The following ARHGAP35 variants were observed in gnomAD, a reference collection of about 807,000 sequenced individuals.
ARHGAP35 encodes the protein rho GTPase-activating protein 35.
A neutral mutation model predicts 111.1 loss-of-function variants in ARHGAP35; 15 were observed. The observed-to-expected ratio is 0.13, with a 90% CI of 0.09 to 0.21. The LOEUF is 0.21. Ranked by LOEUF, ARHGAP35 falls within the 10% of genes least tolerant of loss-of-function variation. ARHGAP35 has a pLI of 1.00. For missense variants in ARHGAP35, 1,262 were observed against 1,873.0 expected, an observed-to-expected ratio of 0.67 and a Z score of 6.02; for synonymous variants, 643 against 710.3, an observed-to-expected ratio of 0.91 and a Z score of 1.51.
At chr19:46,954,926 G>A (rs2056430979) in intron 3 of ARHGAP35, among the ~76,000 whole-genome samples, 2 of 152,058 alleles carry the variant, frequency 1.3e-5, no homozygotes, top group African/African-American at 4.8e-5. Context: ...TCAATAATGA[G>A]GTGTTTCACT....
chr19:46,986,083 T>C lies in ARHGAP35; in HGVS notation c.3827-1906T>C, dbSNP rs1047752446. 2.6e-5 allele frequency among the ~76,000 whole-genome samples: 4 copies of C among 152,232 alleles called. No individual in the cohort carries two copies. The highest frequency in any genetic ancestry group is 7.2e-5 in the African/African-American group (3 of 41,464). ...CCCACAGTGCTTCCTCTGTGCACCT[T>C]CAGCAAGACAGAGTCGCTCAAAGCC... On this transcript the variant is annotated intron_variant, in intron 3 of 6. Transcript: ENST00000672722. The surrounding 1 kb of genome is among the most constrained non-coding windows in gnomAD (Gnocchi z 4.3).
intron 1 of ARHGAP35, among the ~76,000 whole-genome samples, chr19:46,887,449 G>A (rs1291788033): frequency 6.6e-6 from 1 of 152,152 alleles, no homozygotes; most frequent in Admixed American, 6.6e-5. Flanking sequence ...GGGAAGCTGG[G>A]TGAAGGGTAT....
intron 3 of ARHGAP35, among the ~76,000 whole-genome samples, chr19:46,972,438 A>C (rs143634250): frequency 3.6e-4 from 55 of 152,364 alleles, no homozygotes; most frequent in African/African-American, 1.3e-3. Flanking sequence ...CTGATTTCCT[A>C]CAGCTGCTGG....
intron 1 of ARHGAP35, among the ~76,000 whole-genome samples, chr19:46,905,986 ATT>A (rs375012473): frequency 5.2e-4 from 73 of 141,392 alleles, no homozygotes; most frequent in Admixed American, 5.6e-4. Flanking sequence ...GCCTGGCCAC[ATT>A]TTTTTTTTTT....
At chr19:46,984,785 G>A (rs1457725688) in intron 3 of ARHGAP35, among the ~76,000 whole-genome samples, 1 of 152,206 alleles carries the variant, frequency 6.6e-6, no homozygotes, top group Non-Finnish European at 1.5e-5. Flanking sequence ...TGAAGTTTCA[G>A]CAGGTCCACA....
intron 3 of ARHGAP35, among the ~76,000 whole-genome samples, chr19:46,943,382 CAGGGCACACGT>C: frequency 6.6e-6 from 1 of 152,286 alleles, no homozygotes; most frequent in African/African-American, 2.4e-5. Context: ...CCTTTCTGGA[CAGGGCACACGT>C]ATGAATTGGG....
chr19:46,885,162 C>G lies in ARHGAP35; in HGVS notation c.-189+23953C>G, dbSNP rs1465061671. ...ATTGGACTTTTGAAAAGCGCCCCTT[C>G]TTATAGTCAACACAACATCTCATTC... On this transcript the variant is annotated intron_variant, in intron 1 of 6. Transcript: ENST00000672722. Among the ~76,000 whole-genome samples, 3 of 152,184 alleles carry G rather than the reference C, an allele frequency of 2.0e-5. No individual in the cohort carries two copies. In the East Asian group the frequency reaches 5.8e-4, roughly 29 times the overall value.
intron 3 of ARHGAP35, among the ~76,000 whole-genome samples, chr19:46,941,967 A>G (rs1369181400): frequency 1.3e-5 from 2 of 152,068 alleles, no homozygotes; most frequent in Admixed American, 1.3e-4. Context: ...CTTCAAGAAA[A>G]AAATGACCAT....
At chr19:46,861,745 C>T (rs767420226) in intron 1 of ARHGAP35, among the ~76,000 whole-genome samples, 3 of 152,122 alleles carry the variant, frequency 2.0e-5, no homozygotes, top group South Asian at 4.2e-4. Context: ...CTTCTTTGAC[C>T]TACCTTCTGT....
chr19:46,873,172 A>C (rs1439662737), intron 1 of ARHGAP35, among the ~76,000 whole-genome samples: 1 of 152,094 alleles, frequency 6.6e-6, no homozygotes, highest in African/African-American at 2.4e-5. Context: ...CACTTTCCAG[A>C]AAGTCTGGAA....
intron 1 of ARHGAP35, among the ~76,000 whole-genome samples, chr19:46,868,012 G>A (rs1415186424): frequency 6.6e-6 from 1 of 152,106 alleles, no homozygotes; most frequent in Non-Finnish European, 1.5e-5. Context: ...GATTACAGGC[G>A]CACGCCCACC....
chr19:46,879,860 C>T (rs906725055), intron 1 of ARHGAP35, among the ~76,000 whole-genome samples: 22 of 150,118 alleles, frequency 1.5e-4, no homozygotes, highest in East Asian at 7.9e-4. Flanking sequence ...CCAAGGTGGA[C>T]GGATCACTTG....
In ARHGAP35 at chr19:46,894,308, C is replaced by T. The variant is rs1052962936; in HGVS notation, c.-188-24180C>T. Among the ~76,000 whole-genome samples, 14 of 152,178 alleles carry T rather than the reference C, an allele frequency of 9.2e-5. No homozygotes were observed. The South Asian group carries it at 2.9e-3, about 32-fold the overall frequency. ...TTGAGGTTAGTTTTTGAGAGTGGAT[C>T]AATGATGTGAAATTTCTAAGATATT... On this transcript the variant is annotated intron_variant, in intron 1 of 6. Coordinates refer to ENST00000672722, the MANE Select transcript of ARHGAP35 (RefSeq NM_004491.5).
rs59080309 is a variant in ARHGAP35, at chr19:46,868,893, A to ATTTTT, written c.-189+7709_-189+7713dup. On this transcript the variant is annotated intron_variant, in intron 1 of 6. Coordinates refer to ENST00000672722, the MANE Select transcript of ARHGAP35 (RefSeq NM_004491.5). Reference sequence around the variant, plus strand: ...AGTTATTTAGGTGGAGCTCACCGTGATTTTTTTTTTTTTTTTTTTTTTTTT... The same window carrying ATTTTT: ...AGTTATTTAGGTGGAGCTCACCGTGATTTTTTTTTTTTTTTTTTTTTTTTTTTTTT... Among the ~76,000 whole-genome samples the ATTTTT allele has an allele frequency of 1.1e-3, 63 of 58,708 alleles. 8 individuals carry two copies. Among genetic ancestry groups the ATTTTT allele is most frequent in the African/African-American group, 2.6e-3 (34 of 13,250 alleles). 38.5% of individuals were successfully genotyped at this position (58,708 alleles called of 152,430 possible). A position where few individuals can be genotyped will look rare whatever the true frequency, so the allele number is the denominator to read the frequency against.
intron 3 of ARHGAP35, among the ~76,000 whole-genome samples, chr19:46,944,557 C>T (rs1487561411): frequency 6.6e-6 from 1 of 152,098 alleles, no homozygotes; most frequent in Non-Finnish European, 1.5e-5. Flanking sequence ...TGAATTCCAC[C>T]TCCAGGCCAA....
rs1397580019 is a variant in ARHGAP35 at position 46,922,731 on chromosome 19, T to A, written c.3681+375T>A. Among the ~76,000 whole-genome samples, 1 of 152,196 alleles carries A rather than the reference T, an allele frequency of 6.6e-6. No homozygotes were observed. The highest frequency in any genetic ancestry group is 1.5e-5 in the Non-Finnish European group (1 of 68,040). On this transcript the variant is annotated intron_variant, in intron 2 of 6. Coordinates refer to ENST00000672722, the MANE Select transcript of ARHGAP35 (RefSeq NM_004491.5). This position sits in a 1 kb window ranked among gnomAD's most constrained non-coding sequence, Gnocchi z 4.0. ...TGCCGCAGTCTCTCACTGCTAAACA[T>A]AACATTTCATCCATACATCTCTTAA...
In ARHGAP35 at chr19:47,001,218, A is replaced by G; in HGVS notation, c.*530A>G. 15 of 1,275,276 alleles carry G rather than the reference A, an allele frequency of 1.2e-5. No individual in the cohort carries two copies. Among genetic ancestry groups the G allele is most frequent in the Non-Finnish European group, 1.5e-5 (15 of 982,316 alleles). The allele number at this position is 1,275,276 out of a possible 1,614,324, so 79.0% of individuals were successfully genotyped here. Reference sequence around the variant, plus strand: ...GGAACGTGTAGGCCACGGCTCTGCCACCACTAGGTACCTGCTGAGGGCGCT... The same window carrying G: ...GGAACGTGTAGGCCACGGCTCTGCCGCCACTAGGTACCTGCTGAGGGCGCT... On this transcript the variant is annotated 3_prime_UTR_variant, in exon 7 of 7. Coordinates refer to ENST00000672722, the MANE Select transcript of ARHGAP35 (RefSeq NM_004491.5). The surrounding 1 kb of genome is among the most constrained non-coding windows in gnomAD (Gnocchi z 5.4).
At chr19:46,892,141 A>G (rs1034272093) in intron 1 of ARHGAP35, among the ~76,000 whole-genome samples, 25 of 149,632 alleles carry the variant, frequency 1.7e-4, no homozygotes, top group African/African-American at 5.9e-4. Context: ...AAAAAAAAAA[A>G]AAAAAAGAAA....
In ARHGAP35 at chr19:46,922,505, C is replaced by T. The variant is rs2056209691; in HGVS notation, c.3681+149C>T. On this transcript the variant is annotated intron_variant, in intron 2 of 6. Transcript: ENST00000672722. The surrounding 1 kb of genome is among the most constrained non-coding windows in gnomAD (Gnocchi z 4.0). ...GACTTAACATAAAAAAGCAGTGCCT[C>T]AATTAGCTACCATTATTGGCAGCTC... The T allele has an allele frequency of 2.7e-6, 2 of 727,738 alleles. No homozygotes were observed. The highest frequency in any genetic ancestry group is 4.3e-6 in the Non-Finnish European group (2 of 468,976). The allele number at this position is 727,738 out of a possible 1,614,324, so 45.1% of individuals were successfully genotyped here. A position where few individuals can be genotyped will look rare whatever the true frequency, so the allele number is the denominator to read the frequency against.
Sources: gnomAD v4.1 joint callset for allele counts (sites outside exome capture counted in the v4.1 genomes callset) on GRCh38, gnomAD v4.1.1 for gene constraint, Gnocchi (gnomAD v3.1) non-coding constraint, MANE v1.5 for transcripts, NCBI Gene and HGNC (gene_info 2026-07-23, HGNC 2026-07-21) for gene names.